Variants in PTK2 observed in about 807,000 individuals in gnomAD.
The protein encoded by PTK2 is protein tyrosine kinase 2.
A neutral mutation model predicts 150.1 loss-of-function variants in PTK2; 45 were observed. The ratio of observed to expected loss-of-function variants is 0.30; its 90% CI spans 0.24 to 0.38. The LOEUF is 0.38. Ranked by LOEUF, PTK2 falls within the 10% of genes least tolerant of loss-of-function variation. PTK2 has a pLI of 1.00. For synonymous variants in PTK2, 432 were observed against 449.2 expected (o/e 0.96, Z 0.48); for missense variants, 919 against 1,307.3 (o/e 0.70, Z 4.58).
intron 24 of PTK2, among the ~76,000 whole-genome samples, chr8:140,703,491 G>C (rs1270680702): frequency 6.6e-6 from 1 of 152,100 alleles, no homozygotes; most frequent in Non-Finnish European, 1.5e-5. Flanking sequence ...AATAATGAGG[G>C]CAGGCCATCC....
At chr8:140,737,976 C>CATTAGATA (rs968084332) in intron 21 of PTK2, among the ~76,000 whole-genome samples, 3 of 151,900 alleles carry the variant, frequency 2.0e-5, no homozygotes, top group African/African-American at 7.3e-5. Flanking sequence ...TCTATGGGGG[C>CATTAGATA]ATTAAATGAT....
At chr8:140,920,204 C>G (rs372405491) in intron 2 of PTK2, among the ~76,000 whole-genome samples, 1 of 152,086 alleles carries the variant, frequency 6.6e-6, no homozygotes, top group Non-Finnish European at 1.5e-5. Flanking sequence ...TAGTCAAGCA[C>G]CAATTACATA....
chr8:140,975,664 A>G (rs1311614626), intron 1 of PTK2, among the ~76,000 whole-genome samples: 3 of 152,108 alleles, frequency 2.0e-5, no homozygotes, highest in Non-Finnish European at 4.4e-5. Context: ...GTATGTGTAT[A>G]TGCGACCCCC....
rs187227463 is a variant in PTK2 at position 140,734,966 on chromosome 8, G to A, written c.2030+285C>T. The A allele has an allele frequency of 6.0e-4, 286 of 474,472 alleles. 1 individual carries two copies. The highest frequency in any genetic ancestry group is 2.4e-3 in the Middle Eastern group (4 of 1,672). 29.4% of individuals were successfully genotyped at this position (474,472 alleles called of 1,614,324 possible). A position where few individuals can be genotyped will look rare whatever the true frequency, so the allele number is the denominator to read the frequency against. The stretch of plus-strand genomic sequence containing the variant: ...TTAGATGAGATTAGTGAGGAAAGCC[G>A]GGACTAAGTTATTACGGGTCTTGTA... On this transcript the variant is annotated intron_variant, in intron 22 of 31. Coordinates refer to ENST00000522684, the Ensembl canonical transcript of PTK2.
chr8:140,668,477 T>A, intron 29 of PTK2, 53 bp from the exon 34 acceptor site: 1 of 1,546,522 alleles, frequency 6.5e-7, no homozygotes, highest in Non-Finnish European at 8.7e-7. Flanking sequence ...TGGCGTGAGA[T>A]CACCACAATC....
intron 5 of PTK2, among the ~76,000 whole-genome samples, chr8:140,850,987 T>TA (rs2154604683): frequency 6.6e-6 from 1 of 152,350 alleles, no homozygotes; most frequent in African/African-American, 2.4e-5. Flanking sequence ...TTGAATATTC[T>TA]AACAGCTACA....
chr8:140,770,352 A>G (rs2154557751), intron 14 of PTK2, among the ~76,000 whole-genome samples: 1 of 152,336 alleles, frequency 6.6e-6, no homozygotes, highest in African/African-American at 2.4e-5. Context: ...ATTCTCCTTC[A>G]TTCAGTTGCA....
chr8:140,718,905 T>C (rs2100041235), intron 22 of PTK2, among the ~76,000 whole-genome samples: 1 of 152,196 alleles, frequency 6.6e-6, no homozygotes. Flanking sequence ...GGACCGGGCA[T>C]GGTGGCTCAC....
chr8:140,983,374 C>A (rs906476238), intron 1 of PTK2, among the ~76,000 whole-genome samples: 1 of 107,776 alleles, frequency 9.3e-6, no homozygotes, highest in East Asian at 2.7e-4. Context: ...GAGTAAGACT[C>A]CATCTCAAAA....
At chr8:140,991,922 G>A (rs888773765) in intron 1 of PTK2, among the ~76,000 whole-genome samples, 22 of 152,122 alleles carry the variant, frequency 1.4e-4, no homozygotes, top group African/African-American at 4.8e-4. Flanking sequence ...CCTGAGGCTG[G>A]GAGGTCGAAG....
At chr8:140,770,721 G>A (rs2100074997) in intron 14 of PTK2, 2 of 1,338,494 alleles carry the variant, frequency 1.5e-6, no homozygotes, top group Non-Finnish European at 2.0e-6. Context: ...AGTACCCGTA[G>A]AAGGAGGATC....
chr8:140,927,940 GAAAAAAAAA>G (rs779534564), intron 1 of PTK2, among the ~76,000 whole-genome samples: 1 of 36,274 alleles, frequency 2.8e-5, no homozygotes, highest in East Asian at 8.1e-4. Context: ...ATCTCAAAAA[GAAAAAAAAA>G]AAAAAAAAGA....
intron 1 of PTK2, among the ~76,000 whole-genome samples, chr8:140,980,896 G>A (rs1405340017): frequency 6.7e-6 from 1 of 148,958 alleles, no homozygotes; most frequent in African/African-American, 2.5e-5. Flanking sequence ...GATTACAGGT[G>A]CCCGCCACCA....
At chr8:140,750,683 CT>C (rs1186674037) in intron 17 of PTK2, among the ~76,000 whole-genome samples, 1 of 152,174 alleles carries the variant, frequency 6.6e-6, no homozygotes, top group Non-Finnish European at 1.5e-5. Context: ...GATCCTTGCT[CT>C]TTAAGAGCTT....
chr8:140,702,490 GATT>G (rs2100031201), intron 25 of PTK2, 77 bp downstream of exon 28: 1 of 1,521,022 alleles, frequency 6.6e-7, no homozygotes, highest in Admixed American at 1.8e-5. Context: ...AAAGTGCTAG[GATT>G]ACAAGTGTAA....
chr8:140,861,180 T>C (rs2100135853), intron 5 of PTK2, among the ~76,000 whole-genome samples: 1 of 151,946 alleles, frequency 6.6e-6, no homozygotes, highest in Non-Finnish European at 1.5e-5. Flanking sequence ...CCCCCATCTC[T>C]ACAAAAGACT....
At chr8:140,769,423 C>T (rs1470780879) in intron 14 of PTK2, among the ~76,000 whole-genome samples, 152 bp downstream of exon 16, 1 of 152,100 alleles carries the variant, frequency 6.6e-6, no homozygotes, top group African/African-American at 2.4e-5. Context: ...ATGCCAAAGC[C>T]CTAAGCAATT....
intron 4 of PTK2, among the ~76,000 whole-genome samples, chr8:140,864,612 A>C (rs1034178152): frequency 1.3e-5 from 2 of 152,220 alleles, no homozygotes. Flanking sequence ...TCAGTGATTC[A>C]AGGAAACAGA....
chr8:140,738,975 A>C, intron 21 of PTK2, 43 bp downstream of exon 24: 1 of 1,342,812 alleles, frequency 7.4e-7, no homozygotes, highest in African/African-American at 1.5e-5. Context: ...ATAACATATG[A>C]AATATAATTT....
Sources: allele counts gnomAD v4.1 joint callset (sites outside exome capture counted in the v4.1 genomes callset), GRCh38; gene constraint gnomAD v4.1.1; transcripts MANE v1.5; gene names NCBI Gene and HGNC (gene_info 2026-07-23, HGNC 2026-07-21).